The following NCOR2 variants were observed in gnomAD, a reference collection of about 807,000 sequenced individuals.
The protein encoded by NCOR2 is nuclear receptor corepressor 2.
NCOR2 carries 81 observed loss-of-function variants against 262.9 expected under a neutral mutation model. The ratio of observed to expected loss-of-function variants is 0.31; its 90% CI spans 0.26 to 0.37. The LOEUF (loss-of-function observed/expected upper bound fraction) is 0.37, where lower values mean the gene tolerates loss of function less well. Among genes scored for constraint, NCOR2 ranks in the 10% least tolerant of loss-of-function variants. The pLI is 1.00. For synonymous variants in NCOR2, 1,659 were observed against 1,559.3 expected, an observed-to-expected ratio of 1.06 and a Z score of -1.51; for missense variants, 3,385 against 3,621.4, an observed-to-expected ratio of 0.93 and a Z score of 1.68.
At chr12:124,393,120 G>A (rs2136158568) in intron 16 of NCOR2, among the ~76,000 whole-genome samples, 1 of 152,354 alleles carries the variant, frequency 6.6e-6, no homozygotes. Context: ...GCCTGGAGGA[G>A]CTGCCAGCAG....
At position 124,378,178 on chromosome 12, in the gene NCOR2, C is replaced by T. The variant is rs977509030; in HGVS notation, c.2167+59G>A. Reference sequence around the variant, plus strand: ...CTGCCGGGATCAGTTCCCGCTATGCCCTCCCTCAGAGCTCGGACCCACAGC... The same window carrying T: ...CTGCCGGGATCAGTTCCCGCTATGCTCTCCCTCAGAGCTCGGACCCACAGC... On this transcript the variant is annotated intron_variant, in intron 18 of 46. Transcript: ENST00000405201. This position sits in a 1 kb window ranked among gnomAD's most constrained non-coding sequence, Gnocchi z 4.2. 14 of 1,586,280 alleles carry T rather than the reference C, an allele frequency of 8.8e-6. No individual in the cohort carries two copies. Among genetic ancestry groups the T allele is most frequent in the African/African-American group, 2.7e-5 (2 of 74,286 alleles).
chr12:124,368,923 G>A (rs2039257292), intron 20 of NCOR2, among the ~76,000 whole-genome samples: 1 of 152,264 alleles, frequency 6.6e-6, no homozygotes, highest in Non-Finnish European at 1.5e-5. Flanking sequence ...AAGTAACAAA[G>A]GTGAAATTGC....
chr12:124,554,279 TC>T (rs2137269984), intron 1 of NCOR2, among the ~76,000 whole-genome samples: 1 of 152,258 alleles, frequency 6.6e-6, no homozygotes. Flanking sequence ...CACACAGCAA[TC>T]TGGCAGTGGG....
Position 124,443,340 on chromosome 12 carries a change from G to T in NCOR2, c.816-5344C>A, listed in dbSNP as rs1374882227. On this transcript the variant is annotated intron_variant, in intron 7 of 46. Coordinates refer to ENST00000405201, the Ensembl canonical transcript of NCOR2. This position sits in a 1 kb window ranked among gnomAD's most constrained non-coding sequence, Gnocchi z 4.4. ...TGATCCAGGTTTCCTCCCAAAGCAA[G>T]GACACTGCCTGCCACCCAGAGACAT... Among the ~76,000 whole-genome samples the T allele has an allele frequency of 2.6e-5, 4 of 152,160 alleles. No homozygotes were observed. Among genetic ancestry groups the T allele is most frequent in the Admixed American group, 2.0e-4 (3 of 15,258 alleles).
At chr12:124,438,237 G>A (rs2044484871) in intron 7 of NCOR2, among the ~76,000 whole-genome samples, 2 of 152,144 alleles carry the variant, frequency 1.3e-5, no homozygotes, top group African/African-American at 4.8e-5. Context: ...CAGGCAAGAG[G>A]GTTCCCAGAG....
intron 22 of NCOR2, among the ~76,000 whole-genome samples, chr12:124,358,403 C>T (rs191011028): frequency 3.1e-4 from 46 of 146,178 alleles, no homozygotes; most frequent in Admixed American, 2.1e-3. Flanking sequence ...CATGTGTGTG[C>T]GAGTGCATGG....
At position 124,344,067 on chromosome 12, in the gene NCOR2, G is replaced by A. The variant is rs190770973; in HGVS notation, c.4714+530C>T. On this transcript the variant is annotated intron_variant, in intron 32 of 46. Transcript: ENST00000405201. ...CCCACTAAGTAAAGATCTGGAAGGC[G>A]GGGACATGGCAGGCAGAGAGGAGGA... Among the ~76,000 whole-genome samples the A allele has an allele frequency of 1.7e-4, 26 of 152,326 alleles. No individual in the cohort carries two copies. In the East Asian group the frequency reaches 2.7e-3, roughly 16 times the overall value.
exon 47 of NCOR2, chr12:124,324,640 G>A (rs569623968): frequency 3.3e-5 from 5 of 152,590 alleles, no homozygotes; most frequent in East Asian, 1.9e-4. Flanking sequence ...GGTAAGCAGA[G>A]ATCAAAAGCA....
Position 124,548,439 on chromosome 12 carries a change from G to A in NCOR2, c.-164-12828C>T, listed in dbSNP as rs565026362. 2.6e-4 allele frequency among the ~76,000 whole-genome samples: 39 copies of A among 152,238 alleles called. No individual in the cohort carries two copies. The highest frequency in any genetic ancestry group is 4.2e-4 in the South Asian group (2 of 4,812). On this transcript the variant is annotated intron_variant, in intron 1 of 32. Transcript: ENST00000458234. The surrounding 1 kb of genome is among the most constrained non-coding windows in gnomAD (Gnocchi z 5.1). ...GTGACCAGAGTGGACTGGGGACCCC[G>A]AAGAGGCTACTGCAGTCGTCCAAGC... is the stretch of plus-strand genomic sequence containing the variant.
intron 4 of NCOR2, among the ~76,000 whole-genome samples, chr12:124,469,669 G>A (rs1408993402): frequency 2.0e-5 from 3 of 152,310 alleles, no homozygotes; most frequent in Non-Finnish European, 4.4e-5. Flanking sequence ...CCTGACCTCA[G>A]TGTCTACTTC....
upstream of NCOR2, chr12:124,495,315 A>C: frequency 6.5e-7 from 1 of 1,532,604 alleles, no homozygotes; most frequent in Non-Finnish European, 8.8e-7. The surrounding 1 kb of genome is among the most constrained non-coding windows in gnomAD (Gnocchi z 4.4). Flanking sequence ...ATCACCACCA[A>C]GGATTAAAAG....
intron 6 of NCOR2, among the ~76,000 whole-genome samples, chr12:124,452,230 G>A (rs1179631341): frequency 1.3e-5 from 2 of 152,222 alleles, no homozygotes; most frequent in African/African-American, 4.8e-5. Flanking sequence ...CATCCCTGCA[G>A]AGGGTGCGAA....
At chr12:124,541,364 C>T (rs2051334658) in intron 1 of NCOR2, among the ~76,000 whole-genome samples, 1 of 6,686 alleles carries the variant, frequency 1.5e-4, no homozygotes, top group Non-Finnish European at 2.8e-4. Flanking sequence ...AAGTGGAGAG[C>T]TGGAGGGGGA....
At position 124,446,125 on chromosome 12, in the gene NCOR2, T is replaced by C. The variant is rs369453367; in HGVS notation, c.815+3690A>G. On this transcript the variant is annotated intron_variant, in intron 7 of 46. Transcript: ENST00000405201. ...TGAGCGGTCACAAAACATCAGAGCCTGCAAGGAGTGCAGGGTGCAGAGGCT... is the reference window on the plus strand; with the variant it reads ...TGAGCGGTCACAAAACATCAGAGCCCGCAAGGAGTGCAGGGTGCAGAGGCT... Among the ~76,000 whole-genome samples, 91 of 152,316 alleles carry C rather than the reference T, an allele frequency of 6.0e-4. 2 individuals carry two copies. In the South Asian group the frequency reaches 0.018, roughly 30 times the overall value.
Position 124,463,839 on chromosome 12 carries a change from C to T in NCOR2, c.705+2334G>A, listed in dbSNP as rs139010125. On this transcript the variant is annotated intron_variant, in intron 5 of 46. Coordinates refer to ENST00000405201, the Ensembl canonical transcript of NCOR2. ...CGGAGGATCCCCACCAGCCCCCACG[C>T]CCCCAAACCAGAGGCCTCTTCCACA... Among the ~76,000 whole-genome samples, 64 of 152,316 alleles carry T rather than the reference C, an allele frequency of 4.2e-4. 2 individuals are homozygous for T. The East Asian group carries it at 0.011, about 25-fold the overall frequency.
Position 124,457,468 on chromosome 12 carries a change from G to A in NCOR2, c.706-306C>T, listed in dbSNP as rs1436515733. Among the ~76,000 whole-genome samples, 3 of 152,098 alleles carry A rather than the reference G, an allele frequency of 2.0e-5. No homozygotes were observed. The highest frequency in any genetic ancestry group is 6.5e-5 in the Admixed American group (1 of 15,274). ...AGGCCTCGCTCCCCCAGGGCCCAGC[G>A]ACGTGGGCACCGCTCCCCACCAGCC... On this transcript the variant is annotated intron_variant, in intron 5 of 46. Coordinates refer to ENST00000405201, the Ensembl canonical transcript of NCOR2. This position sits in a 1 kb window ranked among gnomAD's most constrained non-coding sequence, Gnocchi z 4.0.
At chr12:124,515,347 T>C (rs1234326077) in intron 1 of NCOR2, among the ~76,000 whole-genome samples, 1 of 149,944 alleles carries the variant, frequency 6.7e-6, no homozygotes, top group Non-Finnish European at 1.5e-5. Context: ...CACTCCAGCC[T>C]GGGTGACGGA....
At chr12:124,552,532 G>A (rs1594062145) in intron 1 of NCOR2, among the ~76,000 whole-genome samples, 1 of 152,138 alleles carries the variant, frequency 6.6e-6, no homozygotes, top group African/African-American at 2.4e-5. Flanking sequence ...TGGTAGGAAC[G>A]CAGCCATTGT....
intron 28 of NCOR2, among the ~76,000 whole-genome samples, chr12:124,349,330 A>C (rs1411892884): frequency 6.6e-6 from 1 of 152,192 alleles, no homozygotes; most frequent in African/African-American, 2.4e-5. Flanking sequence ...CCCACCCCTC[A>C]GAGGGAATGA....
Sources: gnomAD v4.1 joint callset for allele counts (sites outside exome capture counted in the v4.1 genomes callset) on GRCh38, gnomAD v4.1.1 for gene constraint, Gnocchi (gnomAD v3.1) non-coding constraint, MANE v1.5 for transcripts, NCBI Gene and HGNC (gene_info 2026-07-23, HGNC 2026-07-21) for gene names.